Variants in PRMT8 observed in about 807,000 individuals in gnomAD.
PRMT8 encodes the protein protein arginine N-methyltransferase 8.
PRMT8 carries 7 observed loss-of-function variants against 47.1 expected under a neutral mutation model. That is an observed-to-expected ratio of 0.15 (90% confidence interval 0.08 to 0.28). The LOEUF is 0.28. Ranked by LOEUF, PRMT8 falls within the 10% of genes least tolerant of loss-of-function variation. The probability of loss-of-function intolerance (pLI) is 1.00; values close to 1 mark genes in which losing one functional copy is unlikely to be tolerated. For missense variants in PRMT8, 237 were observed against 505.4 expected, an observed-to-expected ratio of 0.47 and a Z score of 5.09; for synonymous variants, 188 against 186.5, an observed-to-expected ratio of 1.01 and a Z score of -0.07.
intron 1 of PRMT8, among the ~76,000 whole-genome samples, chr12:3,469,757 C>T (rs1364046707): frequency 6.6e-6 from 1 of 152,142 alleles, no homozygotes. Flanking sequence ...AGAAGGGCCT[C>T]AGGATCTGGC....
intron 1 of PRMT8, among the ~76,000 whole-genome samples, chr12:3,454,170 T>A (rs573580001): frequency 2.0e-5 from 3 of 152,264 alleles, no homozygotes; most frequent in Non-Finnish European, 2.9e-5. Flanking sequence ...TCCTGCAGCT[T>A]AATGCCGCCC....
At chr12:3,587,995 G>A (rs911394526) in intron 8 of PRMT8, among the ~76,000 whole-genome samples, 4 of 152,192 alleles carry the variant, frequency 2.6e-5, no homozygotes, top group African/African-American at 9.7e-5. Flanking sequence ...TGGGGTGGGG[G>A]TAGAAGTGGG....
At chr12:3,465,346 C>T (rs1865087707) in intron 1 of PRMT8, among the ~76,000 whole-genome samples, 1 of 149,848 alleles carries the variant, frequency 6.7e-6, no homozygotes, top group African/African-American at 2.5e-5. Flanking sequence ...AAACCCGACT[C>T]CTCTCTTTGT....
intron 1 of PRMT8, among the ~76,000 whole-genome samples, chr12:3,474,288 A>T (rs1332965028): frequency 6.6e-6 from 1 of 152,176 alleles, no homozygotes; most frequent in Non-Finnish European, 1.5e-5. Flanking sequence ...TGAGTAAGTT[A>T]CTTAGCCTCT....
At chr12:3,443,282 G>A (rs1864822320) in intron 1 of PRMT8, among the ~76,000 whole-genome samples, 1 of 152,188 alleles carries the variant, frequency 6.6e-6, no homozygotes, top group South Asian at 2.1e-4. Context: ...AACTTTATAA[G>A]CTATTAATAA....
chr12:3,505,501 C>T (rs1012284233), intron 1 of PRMT8, among the ~76,000 whole-genome samples: 2 of 152,332 alleles, frequency 1.3e-5, no homozygotes, highest in Admixed American at 6.5e-5. Context: ...CAGTAGCAAT[C>T]ACTATAGCAA....
chr12:3,556,665 A>C (rs1388469473), intron 4 of PRMT8, among the ~76,000 whole-genome samples: 1 of 152,134 alleles, frequency 6.6e-6, no homozygotes. Context: ...TAAGGGAAGA[A>C]GTTTTTTTAA....
In PRMT8 at chr12:3,543,846, C is replaced by T. The variant is rs112719400; in HGVS notation, c.261+3055C>T. 1.3e-3 allele frequency among the ~76,000 whole-genome samples: 196 copies of T among 152,286 alleles called. 1 individual carries two copies. The highest frequency in any genetic ancestry group is 4.2e-3 in the African/African-American group (173 of 41,574). ...GTGGAAGATGTGTGCTTCCTGAGGC[C>T]GCCACCTAGAGAGGAGGTGGTAGGC... On this transcript the variant is annotated intron_variant, in intron 2 of 9. Transcript: ENST00000382622.
intron 1 of PRMT8, among the ~76,000 whole-genome samples, chr12:3,444,835 G>A (rs1208083331): frequency 6.6e-6 from 1 of 152,248 alleles, no homozygotes; most frequent in Admixed American, 6.5e-5. Context: ...CATTGGGGCT[G>A]CCCTGCACAT....
At chr12:3,587,403 T>C (rs998018496) in intron 8 of PRMT8, among the ~76,000 whole-genome samples, 2 of 151,830 alleles carry the variant, frequency 1.3e-5, no homozygotes, top group Non-Finnish European at 2.9e-5. Flanking sequence ...TGTTTTTAAC[T>C]AAAATATAAA....
chr12:3,433,769 G>T (rs1257801288), intron 1 of PRMT8, among the ~76,000 whole-genome samples: 2 of 152,164 alleles, frequency 1.3e-5, no homozygotes, highest in African/African-American at 4.8e-5. Flanking sequence ...ATGCCGCCAT[G>T]CCCAGCTAAT....
At chr12:3,562,475 C>G (rs1259570081) in intron 4 of PRMT8, among the ~76,000 whole-genome samples, 1 of 152,042 alleles carries the variant, frequency 6.6e-6, no homozygotes, top group Non-Finnish European at 1.5e-5. Context: ...AGCGAACAAA[C>G]AAAATCACAA....
At chr12:3,528,105 CAA>C (rs1159227075) in intron 1 of PRMT8, among the ~76,000 whole-genome samples, 1 of 152,084 alleles carries the variant, frequency 6.6e-6, no homozygotes, top group Admixed American at 6.6e-5. Context: ...TGGTGTAGAG[CAA>C]TTTGATTATG....
intron 1 of PRMT8, among the ~76,000 whole-genome samples, chr12:3,498,160 A>T (rs1378033043): frequency 6.6e-6 from 1 of 152,212 alleles, no homozygotes; most frequent in East Asian, 1.9e-4. Context: ...CAATGCTGTG[A>T]ATTACATATA....
At chr12:3,551,085 C>CCT (rs56199176) in intron 3 of PRMT8, 2 of 149,558 alleles carry the variant, frequency 1.3e-5, no homozygotes, top group South Asian at 4.3e-4. Context: ...GACCCCCCCC[C>CCT]GCCCACTGAC....
At chr12:3,537,437 C>T (rs1454084223) in intron 1 of PRMT8, among the ~76,000 whole-genome samples, 1 of 152,068 alleles carries the variant, frequency 6.6e-6, no homozygotes, top group Non-Finnish European at 1.5e-5. Context: ...CCTTTGTCTG[C>T]CACATATGTT....
chr12:3,559,130 T>C (rs1393105106), intron 4 of PRMT8, among the ~76,000 whole-genome samples: 2 of 152,222 alleles, frequency 1.3e-5, no homozygotes, highest in African/African-American at 4.8e-5. Context: ...TCCTATTTTA[T>C]GTAATAGGTT....
Position 3,568,606 on chromosome 12 carries a change from G to C in PRMT8, c.482-100G>C. The C allele has an allele frequency of 2.2e-6, 3 of 1,374,438 alleles. No individual in the cohort carries two copies. The Admixed American group carries it at 5.6e-5, about 26-fold the overall frequency. 85.1% of individuals were successfully genotyped at this position (1,374,438 alleles called of 1,614,324 possible). On this transcript the variant is annotated intron_variant, in intron 4 of 9. Coordinates refer to ENST00000382622, the MANE Select transcript of PRMT8 (RefSeq NM_019854.5). ...ACATCATATCCTAAAAGTAGAATCA[G>C]AATAGGGCTGAAACCTGGAGATCTG...
At chr12:3,397,881 C>A (rs186529465) in intron 1 of PRMT8, among the ~76,000 whole-genome samples, 171 of 152,306 alleles carry the variant, frequency 1.1e-3, no homozygotes, top group Middle Eastern at 0.01. Context: ...GGCGTAGGAC[C>A]CTCCGAGCCA....
Sources: gnomAD v4.1 joint callset for allele counts (sites outside exome capture counted in the v4.1 genomes callset) on GRCh38, gnomAD v4.1.1 for gene constraint, MANE v1.5 for transcripts, NCBI Gene and HGNC (gene_info 2026-07-23, HGNC 2026-07-21) for gene names.